Variants in DLC1 observed in about 807,000 individuals in gnomAD.
DLC1 encodes the protein rho GTPase-activating protein 7.
Under a neutral mutation model 140.3 loss-of-function variants are expected in DLC1, and 54 were observed. That is an observed-to-expected ratio of 0.38 (90% CI 0.31 to 0.48). The LOEUF is 0.48. Ranked by LOEUF, DLC1 falls within the 20% of genes least tolerant of loss-of-function variation. The probability of loss-of-function intolerance (pLI) is 0.96; values close to 1 mark genes in which losing one functional copy is unlikely to be tolerated. For synonymous variants in DLC1, 986 were observed against 728.1 expected (o/e 1.35, Z -5.70); for missense variants, 2,536 against 1,907.0 (o/e 1.33, Z -6.14).
intron 1 of DLC1, among the ~76,000 whole-genome samples, chr8:13,592,930 A>T (rs1194009872): frequency 6.6e-6 from 1 of 152,166 alleles, no homozygotes; most frequent in Non-Finnish European, 1.5e-5. Context: ...CATGCTCTTC[A>T]AACAGGGTCA....
intron 4 of DLC1, among the ~76,000 whole-genome samples, chr8:13,387,645 T>C (rs1044126111): frequency 1.3e-5 from 2 of 152,094 alleles, no homozygotes; most frequent in Non-Finnish European, 2.9e-5. Flanking sequence ...GGTTTTTCTC[T>C]TGTTTTTGGA....
intron 5 of DLC1, chr8:13,116,324 G>T: frequency 1.3e-6 from 1 of 773,196 alleles, no homozygotes; most frequent in Non-Finnish European, 1.6e-6. Context: ...AGATAGAATC[G>T]ATAAACAGAA....
chr8:13,205,602 C>G (rs542951521), intron 5 of DLC1, among the ~76,000 whole-genome samples: 1 of 151,930 alleles, frequency 6.6e-6, no homozygotes, highest in Non-Finnish European at 1.5e-5. Flanking sequence ...CTAATGATAG[C>G]TGATGAGCTA....
intron 6 of DLC1, among the ~76,000 whole-genome samples, chr8:13,111,917 C>A (rs866336766): frequency 1.5e-4 from 23 of 152,102 alleles, no homozygotes; most frequent in African/African-American, 5.5e-4. Context: ...GCCCCAAGGA[C>A]AGAAGATCAT....
At chr8:13,477,821 C>G (rs553881688) in intron 2 of DLC1, among the ~76,000 whole-genome samples, 2 of 151,646 alleles carry the variant, frequency 1.3e-5, no homozygotes, top group South Asian at 2.1e-4. Flanking sequence ...TTAGTCATAA[C>G]TAGGAAAGAT....
In DLC1 at chr8:13,100,515, G is replaced by T; in HGVS notation, c.1822C>A (p.Pro608Thr). The T allele has an allele frequency of 1.2e-6, 2 of 1,612,546 alleles. No homozygotes were observed. The highest frequency in any genetic ancestry group is 2.2e-5 in the South Asian group (2 of 91,078). Residue 608 changes from proline to threonine, a missense_variant, in exon 9 of 18, where the codon CCC becomes ACC. Pro to Thr is a conservative substitution (Grantham distance 38). Coordinates refer to ENST00000276297, the MANE Select transcript of DLC1 (RefSeq NM_182643.3). Reference protein sequence around the residue: ...SSTGSLPSHAPPSEDAATPRT... With the variant: ...SSTGSLPSHATPSEDAATPRT... ...GGGGTGGCAGCATCCTCGCTGGGGG[G>T]CGCGTGGCTGGGGAGGCTGCCAGTG...
chr8:13,171,845 G>A (rs967030623), intron 5 of DLC1, among the ~76,000 whole-genome samples: 1 of 152,144 alleles, frequency 6.6e-6, no homozygotes, highest in South Asian at 2.1e-4. Flanking sequence ...TGTAGGCAAT[G>A]CCCCAGGTGA....
At chr8:13,414,439 T>C (rs948808937) in intron 2 of DLC1, among the ~76,000 whole-genome samples, 1 of 152,360 alleles carries the variant, frequency 6.6e-6, no homozygotes, top group East Asian at 1.9e-4. Context: ...TGTTGAATCC[T>C]GGCTTGACCA....
intron 16 of DLC1, among the ~76,000 whole-genome samples, chr8:13,087,337 G>A (rs1329419124): frequency 6.6e-6 from 1 of 152,236 alleles, no homozygotes; most frequent in African/African-American, 2.4e-5. Context: ...GGGAGGTGAA[G>A]GCTTCAGCAG....
intron 5 of DLC1, among the ~76,000 whole-genome samples, chr8:13,172,086 G>A (rs1825516255): frequency 6.6e-6 from 1 of 152,152 alleles, no homozygotes; most frequent in African/African-American, 2.4e-5. Flanking sequence ...TCATCTATAT[G>A]GCATTATTCT....
chr8:13,380,398 A>T (rs1284756166), intron 4 of DLC1, among the ~76,000 whole-genome samples: 1 of 152,138 alleles, frequency 6.6e-6, no homozygotes, highest in Non-Finnish European at 1.5e-5. Context: ...TGACCATTTC[A>T]TGTGTTCTAA....
chr8:13,304,260 A>C (rs529093653), intron 5 of DLC1, among the ~76,000 whole-genome samples: 9 of 152,296 alleles, frequency 5.9e-5, no homozygotes, highest in African/African-American at 2.2e-4. Context: ...GTACATTGTT[A>C]TGTTGTGTGA....
At chr8:13,230,303 G>T in intron 5 of DLC1, among the ~76,000 whole-genome samples, 1 of 152,298 alleles carries the variant, frequency 6.6e-6, no homozygotes, top group South Asian at 2.1e-4. Context: ...TAGCAGCTAA[G>T]AGTCCAGAAC....
At chr8:13,154,330 G>A (rs1187719781) in intron 5 of DLC1, among the ~76,000 whole-genome samples, 1 of 152,242 alleles carries the variant, frequency 6.6e-6, no homozygotes, top group African/African-American at 2.4e-5. Flanking sequence ...TGCAGGTCGG[G>A]AGCCCTGCCC....
At chr8:13,268,123 A>G (rs1416700412) in intron 5 of DLC1, among the ~76,000 whole-genome samples, 1 of 152,196 alleles carries the variant, frequency 6.6e-6, no homozygotes, top group Non-Finnish European at 1.5e-5. Flanking sequence ...TGATTTCTAA[A>G]TCAGTTGAGA....
intron 2 of DLC1, among the ~76,000 whole-genome samples, chr8:13,473,968 C>T (rs762936750): frequency 2.6e-5 from 4 of 152,050 alleles, no homozygotes; most frequent in Non-Finnish European, 5.9e-5. Context: ...TCCCATTTTC[C>T]GAGGAGAAAT....
intron 1 of DLC1, among the ~76,000 whole-genome samples, chr8:13,552,111 GTA>G (rs3066465): frequency 0.21 from 11,272 of 54,450 alleles, 871 homozygotes; most frequent in South Asian, 0.3. Context: ...GTCTAGAGGT[GTA>G]TATATATATA....
At chr8:13,237,118 C>G (rs1829316376) in intron 5 of DLC1, among the ~76,000 whole-genome samples, 1 of 151,066 alleles carries the variant, frequency 6.6e-6, no homozygotes, top group African/African-American at 2.4e-5. Flanking sequence ...TTTGCTTACT[C>G]TTTTTCTAAG....
Position 13,405,912 on chromosome 8 carries a change from TTTTCTTTTCTTTCTTTC to T in DLC1, c.1024-4310_1024-4294del, listed in dbSNP as rs1184417058. On this transcript the variant is annotated intron_variant, in intron 2 of 17. Transcript: ENST00000276297. Reference sequence around the variant, plus strand: ...TTCTTTCTTTCTTTTTCTTTCTTTCTTTTCTTTTCTTTCTTTCTTTCTTTCTTTCTTTCTTTCTTTCT... The same window carrying T: ...TTCTTTCTTTCTTTTTCTTTCTTTCTTTTCTTTCTTTCTTTCTTTCTTTCT... 5.0e-5 allele frequency among the ~76,000 whole-genome samples: 6 copies of T among 120,498 alleles called. No individual in the cohort carries two copies. The East Asian group carries it at 1.6e-3, about 32-fold the overall frequency. The allele number at this position is 120,498 out of a possible 152,430, so 79.1% of individuals were successfully genotyped here.
Sources: allele counts gnomAD v4.1 joint callset (sites outside exome capture counted in the v4.1 genomes callset), GRCh38; gene constraint gnomAD v4.1.1; transcripts MANE v1.5; gene names NCBI Gene and HGNC (gene_info 2026-07-23, HGNC 2026-07-21).